CEP85: variants seen among roughly 807,000 people sequenced by gnomAD.
CEP85 encodes centrosomal protein of 85 kDa.
A neutral mutation model predicts 93.7 loss-of-function variants in CEP85; 58 were observed. The ratio of observed to expected loss-of-function variants is 0.62; its 90% CI spans 0.50 to 0.77. CEP85 has a LOEUF of 0.77. Among genes scored for constraint, CEP85 ranks in the 30% least tolerant of loss-of-function variants. The pLI is 0.00. For synonymous variants in CEP85, 314 were observed against 338.6 expected (o/e 0.93, Z 0.80); for missense variants, 868 against 922.0 (o/e 0.94, Z 0.76).
At chr1:26,271,949 G>T in intron 10 of CEP85, 72 bp from the exon 11 acceptor site, 30 of 1,332,062 alleles carry the variant, frequency 2.3e-5, no homozygotes, top group Non-Finnish European at 3.2e-5. Flanking sequence ...ATGTCCTAGT[G>T]CAGCCCCCTT....
chr1:26,273,086 C>G (rs375777835), intron 11 of CEP85, among the ~76,000 whole-genome samples: 2 of 151,934 alleles, frequency 1.3e-5, no homozygotes, highest in African/African-American at 2.4e-5. Context: ...AGCATAGCAG[C>G]GAGGAGATGT....
At chr1:26,272,617 A>ATCT (rs2089991872) in intron 11 of CEP85, among the ~76,000 whole-genome samples, 1 of 89,670 alleles carries the variant, frequency 1.1e-5, no homozygotes, top group African/African-American at 5.1e-5. Context: ...CTATTACAGC[A>ATCT]TTTTTTTTTT....
chr1:26,255,085 C>T, intron 3 of CEP85, 86 bp from the exon 4 acceptor site: 2 of 1,104,854 alleles, frequency 1.8e-6, no homozygotes, highest in South Asian at 1.4e-5. Context: ...GGTCTCAGGA[C>T]AGGCCGAGAG....
intron 8 of CEP85, among the ~76,000 whole-genome samples, chr1:26,268,887 CT>C (rs2089931514): frequency 6.6e-6 from 1 of 152,204 alleles, no homozygotes; most frequent in African/African-American, 2.4e-5. Context: ...AGGTCTCTTA[CT>C]CTTTGATTCA....
intron 3 of CEP85, among the ~76,000 whole-genome samples, chr1:26,253,136 G>A (rs1198918194): frequency 6.6e-6 from 1 of 152,084 alleles, no homozygotes; most frequent in African/African-American, 2.4e-5. Flanking sequence ...CTGTTCGTCT[G>A]TTGATTCTAT....
intron 3 of CEP85, among the ~76,000 whole-genome samples, chr1:26,254,420 G>A (rs2089664501): frequency 6.9e-6 from 1 of 144,972 alleles, no homozygotes; most frequent in Admixed American, 6.8e-5. Context: ...CAGTCTGAAG[G>A]AAAAGTTAAA....
intron 3 of CEP85, chr1:26,254,846 T>A (rs1227831809): frequency 3.5e-6 from 1 of 283,792 alleles, no homozygotes; most frequent in Non-Finnish European, 6.6e-6. Flanking sequence ...AGTAATTTGT[T>A]TTAAAGTTTA....
chr1:26,269,729 A>T, intron 9 of CEP85, 115 bp downstream of exon 9: 2 of 662,330 alleles, frequency 3.0e-6, no homozygotes, highest in Non-Finnish European at 2.4e-6. Context: ...TACTTATCTG[A>T]GCTTTGTTTT....
chr1:26,267,980 T>C (rs2089916870), intron 7 of CEP85, among the ~76,000 whole-genome samples: 1 of 152,210 alleles, frequency 6.6e-6, no homozygotes, highest in African/African-American at 2.4e-5. Context: ...CCAGACAAAT[T>C]CTGTATTTTA....
intron 1 of CEP85, among the ~76,000 whole-genome samples, chr1:26,236,054 A>G (rs914394936): frequency 2.6e-5 from 4 of 152,152 alleles, no homozygotes; most frequent in African/African-American, 9.7e-5. Context: ...AGAAACTCCA[A>G]CTTGTGGTGC....
At position 26,277,317 on chromosome 1, in the gene CEP85, G is replaced by A. The variant is rs1453123921; in HGVS notation, c.*24G>A. 6.3e-7 allele frequency: 1 copy of A among 1,599,200 alleles called. No individual in the cohort carries two copies. Among genetic ancestry groups the A allele is most frequent in the Middle Eastern group, 1.7e-4 (1 of 5,968 alleles). ...GAGGAATTCTGGGGGATTCCCCCAG[G>A]GAGGAGCTGGGCTGCTGAGAGCCTA... On this transcript the variant is annotated 3_prime_UTR_variant, in exon 14 of 14. Transcript: ENST00000451429.
chr1:26,254,011 T>TA (rs1303700465), intron 3 of CEP85, among the ~76,000 whole-genome samples: 1 of 152,010 alleles, frequency 6.6e-6, no homozygotes, highest in African/African-American at 2.4e-5. Flanking sequence ...AAAAGTTGTT[T>TA]AATGAGAAGG....
At position 26,243,128 on chromosome 1, in the gene CEP85, C is replaced by CT. The variant is rs35251831; in HGVS notation, c.56-1019dup. Among the ~76,000 whole-genome samples, 41 of 121,872 alleles carry CT rather than the reference C, an allele frequency of 3.4e-4. 1 individual carries two copies. The East Asian group carries it at 4.4e-3, about 13-fold the overall frequency. The allele number at this position is 121,872 out of a possible 152,430, so 80.0% of individuals were successfully genotyped here. On this transcript the variant is annotated intron_variant, in intron 2 of 13. Coordinates refer to ENST00000451429, the MANE Select transcript of CEP85 (RefSeq NM_001319944.2). ...CCTGGTTCAGTGAAGCAGTGATTTT[C>CT]TTTTTTTTTTTTTTTTTTTCTGAGA...
intron 7 of CEP85, among the ~76,000 whole-genome samples, chr1:26,266,373 C>T (rs1426070191): frequency 6.6e-6 from 1 of 152,152 alleles, no homozygotes; most frequent in African/African-American, 2.4e-5. Flanking sequence ...GGTGACAGAG[C>T]AAGACCCTGT....
At chr1:26,252,678 G>T (rs906613806) in intron 3 of CEP85, among the ~76,000 whole-genome samples, 1 of 152,020 alleles carries the variant, frequency 6.6e-6, no homozygotes, top group African/African-American at 2.4e-5. Context: ...TTCTTTCTTG[G>T]TCCTGAGAGA....
At chr1:26,265,228 C>T (rs1428090198) in intron 7 of CEP85, among the ~76,000 whole-genome samples, 1 of 152,078 alleles carries the variant, frequency 6.6e-6, no homozygotes. Context: ...ATGTGATCTG[C>T]CCGCCTCGAC....
intron 2 of CEP85, among the ~76,000 whole-genome samples, chr1:26,241,274 G>A (rs551280925): frequency 2.7e-4 from 10 of 37,372 alleles, no homozygotes; most frequent in African/African-American, 8.6e-4. Flanking sequence ...ATGGAGTCTC[G>A]CTCTGTCACC....
intron 7 of CEP85, among the ~76,000 whole-genome samples, chr1:26,262,510 CG>C (rs1414447680): frequency 2.0e-5 from 3 of 151,052 alleles, no homozygotes; most frequent in African/African-American, 7.3e-5. Flanking sequence ...CAAAAAAAGG[CG>C]GGGGGCGGGG....
intron 7 of CEP85, among the ~76,000 whole-genome samples, chr1:26,267,680 A>G (rs2089912765): frequency 1.3e-5 from 2 of 152,214 alleles, no homozygotes; most frequent in Admixed American, 6.5e-5. Context: ...GCATGTAAAC[A>G]CAGCACATTT....
Sources: gnomAD v4.1 joint callset for allele counts (sites outside exome capture counted in the v4.1 genomes callset) on GRCh38, gnomAD v4.1.1 for gene constraint, MANE v1.5 for transcripts, NCBI Gene and HGNC (gene_info 2026-07-23, HGNC 2026-07-21) for gene names.